The following TMEM108 variants were observed in gnomAD, a reference collection of about 807,000 sequenced individuals.
TMEM108 encodes the protein cancer/testis antigen 124.
A neutral mutation model predicts 35.1 loss-of-function variants in TMEM108; 12 were observed. The observed-to-expected ratio is 0.34, with a 90% confidence interval of 0.22 to 0.55. TMEM108 has a LOEUF of 0.55. Ranked by LOEUF, TMEM108 falls within the 20% of genes least tolerant of loss-of-function variation. TMEM108 has a pLI of 0.89. For synonymous variants in TMEM108, 287 were observed against 308.6 expected (o/e 0.93, Z 0.73); for missense variants, 680 against 753.3 (o/e 0.90, Z 1.14).
At chr3:133,283,812 CTG>C (rs1411285423) in intron 3 of TMEM108, among the ~76,000 whole-genome samples, 1 of 152,194 alleles carries the variant, frequency 6.6e-6, no homozygotes, top group Non-Finnish European at 1.5e-5. Context: ...GTGTTGCTGT[CTG>C]TGTTTTTGAA....
chr3:133,377,632 A>T (rs2072880344), intron 3 of TMEM108, among the ~76,000 whole-genome samples: 1 of 152,250 alleles, frequency 6.6e-6, no homozygotes, highest in African/African-American at 2.4e-5. Flanking sequence ...GGCCAGGGCA[A>T]GTGTTCAGTA....
intron 3 of TMEM108, among the ~76,000 whole-genome samples, chr3:133,374,078 A>G (rs549688778): frequency 2.6e-5 from 4 of 152,366 alleles, no homozygotes; most frequent in African/African-American, 9.6e-5. Flanking sequence ...ACGGGGGGCC[A>G]AAGCCCCCAA....
chr3:133,297,108 C>T (rs949613356), intron 3 of TMEM108, among the ~76,000 whole-genome samples: 3 of 152,202 alleles, frequency 2.0e-5, no homozygotes, highest in Admixed American at 6.5e-5. Context: ...CATGCAGATA[C>T]GCTAATAATG....
rs1329354816 is a variant in TMEM108, at chr3:133,396,386, A to C, written c.*400A>C. The C allele has an allele frequency of 6.5e-6, 1 of 152,972 alleles. No homozygotes were observed. Among genetic ancestry groups the C allele is most frequent in the African/African-American group, 2.4e-5 (1 of 41,338 alleles). The allele number at this position is 152,972 out of a possible 1,614,324, so 9.5% of individuals were successfully genotyped here. ...CTCTGGTTCCTCTTGATTTGGTGTG[A>C]CCCCATTTCCTCCCTTCTCATACGC... is the stretch of plus-strand genomic sequence containing the variant. On this transcript the variant is annotated 3_prime_UTR_variant, in exon 6 of 6. Transcript: ENST00000321871.
chr3:133,261,909 G>A (rs16840130), intron 3 of TMEM108, among the ~76,000 whole-genome samples: 4 of 152,194 alleles, frequency 2.6e-5, no homozygotes, highest in African/African-American at 9.7e-5. Context: ...TTGTGGTTCA[G>A]TTGTCAGCTA....
intron 3 of TMEM108, among the ~76,000 whole-genome samples, chr3:133,264,850 GGAAACA>G (rs1946674946): frequency 6.6e-6 from 1 of 152,128 alleles, no homozygotes; most frequent in Non-Finnish European, 1.5e-5. Flanking sequence ...AAACAGTGCA[GGAAACA>G]GAAATCACTC....
At chr3:133,336,460 G>T (rs141951380) in intron 3 of TMEM108, among the ~76,000 whole-genome samples, 15 of 152,142 alleles carry the variant, frequency 9.9e-5, no homozygotes, top group African/African-American at 3.6e-4. Flanking sequence ...CTAGCTCCCA[G>T]TTGGCATTGC....
chr3:133,080,779 T>A (rs1362361032), intron 2 of TMEM108, among the ~76,000 whole-genome samples: 1 of 152,208 alleles, frequency 6.6e-6, no homozygotes, highest in Admixed American at 6.5e-5. Context: ...CAGTGTGAAG[T>A]ACTTTCATCC....
intron 2 of TMEM108, among the ~76,000 whole-genome samples, chr3:133,159,378 C>T (rs1282831864): frequency 6.6e-6 from 1 of 152,186 alleles, no homozygotes; most frequent in Non-Finnish European, 1.5e-5. Context: ...GTGCATTTCT[C>T]TTTCTTCTCT....
chr3:133,331,628 C>T (rs566586187), intron 3 of TMEM108, among the ~76,000 whole-genome samples: 1 of 152,296 alleles, frequency 6.6e-6, no homozygotes, highest in East Asian at 1.9e-4. Context: ...ATGTCAGTGC[C>T]ATTTATAGAC....
intron 2 of TMEM108, among the ~76,000 whole-genome samples, chr3:133,170,283 A>C (rs1369504056): frequency 6.6e-6 from 1 of 152,216 alleles, no homozygotes; most frequent in Non-Finnish European, 1.5e-5. Flanking sequence ...CACAGGACTA[A>C]GTTGTATGAA....
intron 3 of TMEM108, among the ~76,000 whole-genome samples, chr3:133,264,395 A>G (rs1946668400): frequency 6.6e-6 from 1 of 152,156 alleles, no homozygotes; most frequent in South Asian, 2.1e-4. Context: ...TCTCTTGTCC[A>G]GATTGCTCAT....
At chr3:133,218,961 T>G (rs1449148781) in intron 2 of TMEM108, among the ~76,000 whole-genome samples, 1 of 152,078 alleles carries the variant, frequency 6.6e-6, no homozygotes, top group Admixed American at 6.6e-5. Context: ...GGATTGGTAT[T>G]AGTTCTTCTT....
At chr3:133,329,053 GTT>G (rs1052218379) in intron 3 of TMEM108, among the ~76,000 whole-genome samples, 24 of 151,584 alleles carry the variant, frequency 1.6e-4, no homozygotes, top group Non-Finnish European at 2.8e-4. Flanking sequence ...TGTCTGGACT[GTT>G]TTAACCATTT....
chr3:133,167,285 G>A (rs1945054867), intron 2 of TMEM108, among the ~76,000 whole-genome samples: 1 of 152,260 alleles, frequency 6.6e-6, no homozygotes, highest in South Asian at 2.1e-4. Flanking sequence ...CCTCCAGCTA[G>A]ACATAAAAGT....
chr3:133,059,170 C>T (rs1257367653), intron 2 of TMEM108, among the ~76,000 whole-genome samples: 1 of 152,168 alleles, frequency 6.6e-6, no homozygotes, highest in Non-Finnish European at 1.5e-5. Context: ...ATGACTGAAT[C>T]GCCTCTCAAA....
At chr3:133,083,579 T>C (rs1047818148) in intron 2 of TMEM108, among the ~76,000 whole-genome samples, 17 of 152,344 alleles carry the variant, frequency 1.1e-4, no homozygotes, top group Middle Eastern at 3.4e-3. Flanking sequence ...CATATAGTTC[T>C]TTGTTGTGTC....
chr3:133,193,575 A>G (rs1945531649), intron 2 of TMEM108, among the ~76,000 whole-genome samples: 1 of 152,132 alleles, frequency 6.6e-6, no homozygotes, highest in African/African-American at 2.4e-5. Flanking sequence ...GATTGCCGAT[A>G]CCTATTTTAT....
intron 2 of TMEM108, among the ~76,000 whole-genome samples, chr3:133,088,107 G>A (rs1241815774): frequency 6.6e-6 from 1 of 152,144 alleles, no homozygotes; most frequent in Non-Finnish European, 1.5e-5. Context: ...GGCCTTTGGA[G>A]AAGTAAAAAG....
Sources: gnomAD v4.1 joint callset for allele counts (sites outside exome capture counted in the v4.1 genomes callset) on GRCh38, gnomAD v4.1.1 for gene constraint, MANE v1.5 for transcripts, NCBI Gene and HGNC (gene_info 2026-07-23, HGNC 2026-07-21) for gene names.